CD2AP: variants seen among roughly 807,000 people sequenced by gnomAD.
The protein encoded by CD2AP is CD2-associated protein.
Under a neutral mutation model 85.1 loss-of-function variants are expected in CD2AP, and 46 were observed. The observed-to-expected ratio is 0.54, with a 90% CI of 0.43 to 0.69. The LOEUF is 0.69. CD2AP is among the 30% of genes least tolerant of loss of function. The pLI, the probability that CD2AP is intolerant of heterozygous loss-of-function variation, is 0.00. For synonymous variants in CD2AP, 255 were observed against 252.9 expected (o/e 1.01, Z -0.08); for missense variants, 769 against 729.5 (o/e 1.05, Z -0.62).
At chr6:47,557,103 G>T (rs1021495284) in intron 5 of CD2AP, among the ~76,000 whole-genome samples, 24 of 151,094 alleles carry the variant, frequency 1.6e-4, no homozygotes, top group Non-Finnish European at 2.7e-4. Flanking sequence ...TCATAGGTTT[G>T]TTGGCCGCAT....
At chr6:47,607,338 C>T (rs1769304349) in intron 14 of CD2AP, among the ~76,000 whole-genome samples, 1 of 152,040 alleles carries the variant, frequency 6.6e-6, no homozygotes, top group African/African-American at 2.4e-5. Flanking sequence ...AGTGCTGGAT[C>T]AGATGGTAGC....
chr6:47,492,778 A>G (rs976943814), intron 1 of CD2AP, among the ~76,000 whole-genome samples: 1 of 151,664 alleles, frequency 6.6e-6, no homozygotes, highest in Non-Finnish European at 1.5e-5. Context: ...TATTGATTTT[A>G]TTGATGTTTT....
At chr6:47,523,096 CTG>C (rs1223767731) in intron 2 of CD2AP, among the ~76,000 whole-genome samples, 21 of 151,976 alleles carry the variant, frequency 1.4e-4, no homozygotes, top group Admixed American at 2.0e-4. Flanking sequence ...CTTTATGAAA[CTG>C]TTAGATCTTT....
chr6:47,606,626 C>T (rs1003773556), intron 14 of CD2AP, among the ~76,000 whole-genome samples: 7 of 150,504 alleles, frequency 4.7e-5, no homozygotes, highest in Non-Finnish European at 1.5e-5. Flanking sequence ...AAATTTTTTC[C>T]CCTGAAATAT....
chr6:47,567,316 A>G lies in CD2AP; in HGVS notation c.542-6748A>G, dbSNP rs561127232. ...AGGGTATTCCAAAATCTGAAATTTA[A>G]AAGTCAAAGCCGGCAAAGGGAAATT... is the stretch of plus-strand genomic sequence containing the variant. On this transcript the variant is annotated intron_variant, in intron 5 of 17. Coordinates refer to ENST00000359314, the MANE Select transcript of CD2AP (RefSeq NM_012120.3). Among the ~76,000 whole-genome samples the G allele has an allele frequency of 3.3e-5, 5 of 152,282 alleles. No individual in the cohort carries two copies. In the East Asian group the frequency reaches 7.7e-4, roughly 24 times the overall value.
intron 2 of CD2AP, among the ~76,000 whole-genome samples, chr6:47,533,370 C>T (rs1766940315): frequency 6.6e-6 from 1 of 152,124 alleles, no homozygotes; most frequent in African/African-American, 2.4e-5. Flanking sequence ...GGGTTTGAGC[C>T]TCTCTTTCCT....
chr6:47,565,811 A>G (rs1424933503), intron 5 of CD2AP, among the ~76,000 whole-genome samples: 1 of 152,174 alleles, frequency 6.6e-6, no homozygotes, highest in Admixed American at 6.5e-5. Flanking sequence ...ACCATAGCCT[A>G]TATGCCATTA....
At chr6:47,511,103 A>T (rs1483160788) in intron 2 of CD2AP, among the ~76,000 whole-genome samples, 1 of 117,376 alleles carries the variant, frequency 8.5e-6, no homozygotes, top group East Asian at 2.1e-4. Flanking sequence ...AAAAAAAAGG[A>T]ATAGATGGAC....
rs189902260 is a variant in CD2AP, at chr6:47,557,358, T to C, written c.541+2592T>C. ...GATCCCATTTGTCAATTTTGGCTTT[T>C]GTTGCCATTGCTTTTGGTGTTTTAG... On this transcript the variant is annotated intron_variant, in intron 5 of 17. Coordinates refer to ENST00000359314, the MANE Select transcript of CD2AP (RefSeq NM_012120.3). Among the ~76,000 whole-genome samples, 5 of 152,320 alleles carry C rather than the reference T, an allele frequency of 3.3e-5. No individual in the cohort carries two copies. The East Asian group carries it at 9.6e-4, about 29-fold the overall frequency.
chr6:47,620,297 G>GC (rs1462805424), intron 17 of CD2AP, among the ~76,000 whole-genome samples: 24 of 152,270 alleles, frequency 1.6e-4, no homozygotes, highest in African/African-American at 5.8e-4. Flanking sequence ...AATTATCCCA[G>GC]CACCATTTGT....
intron 17 of CD2AP, among the ~76,000 whole-genome samples, chr6:47,618,317 C>CA (rs568248301): frequency 4.5e-4 from 67 of 148,664 alleles, no homozygotes; most frequent in African/African-American, 8.9e-4. Flanking sequence ...GAGACTGTCT[C>CA]AAAAAAAAAC....
intron 13 of CD2AP, among the ~76,000 whole-genome samples, chr6:47,601,196 G>T (rs1769120130): frequency 6.6e-6 from 1 of 151,592 alleles, no homozygotes; most frequent in African/African-American, 2.4e-5. Context: ...TACTTGGTTT[G>T]GGGGACCCTA....
At chr6:47,555,817 C>T (rs768095607) in intron 5 of CD2AP, among the ~76,000 whole-genome samples, 6 of 150,050 alleles carry the variant, frequency 4.0e-5, no homozygotes, top group African/African-American at 7.4e-5. Context: ...TTTTTTTTAA[C>T]GTGAAAGGGC....
At chr6:47,553,780 G>C (rs1767598224) in intron 4 of CD2AP, among the ~76,000 whole-genome samples, 1 of 152,050 alleles carries the variant, frequency 6.6e-6, no homozygotes, top group Admixed American at 6.5e-5. Flanking sequence ...TTATTGGTAA[G>C]TGTAAATGTT....
chr6:47,500,999 C>T (rs974541243), intron 1 of CD2AP, among the ~76,000 whole-genome samples: 4 of 152,072 alleles, frequency 2.6e-5, no homozygotes, highest in Non-Finnish European at 2.9e-5. Flanking sequence ...CGCCTGCCTC[C>T]GCCTCCCAAA....
intron 16 of CD2AP, 91 bp from the exon 17 acceptor site, chr6:47,612,382 C>T: frequency 1.1e-6 from 1 of 871,216 alleles, no homozygotes; most frequent in Non-Finnish European, 1.9e-6. Context: ...TTCCCATGAA[C>T]TGGTAGGTTA....
chr6:47,563,693 A>G (rs988138935), intron 5 of CD2AP, among the ~76,000 whole-genome samples: 3 of 152,154 alleles, frequency 2.0e-5, no homozygotes, highest in East Asian at 1.9e-4. Flanking sequence ...TTACTCTTAC[A>G]TTAGTTTTTA....
chr6:47,495,403 C>T (rs1299629300), intron 1 of CD2AP, among the ~76,000 whole-genome samples: 2 of 152,110 alleles, frequency 1.3e-5, no homozygotes, highest in African/African-American at 4.8e-5. Context: ...TGGAGTGATT[C>T]TTCAGAGTCT....
rs201742003 is a variant in CD2AP, at chr6:47,497,347, C to CTCCCCTTCCCCT, written c.5-5918_5-5907dup. ...TTTCCTTTCCTTTCCCTTCCCTTCC[C>CTCCCCTTCCCCT]TCCCCTTCCCCTTCCCCTTCCCCTT... On this transcript the variant is annotated intron_variant, in intron 1 of 17. Transcript: ENST00000359314. 3.1e-3 allele frequency among the ~76,000 whole-genome samples: 428 copies of CTCCCCTTCCCCT among 138,228 alleles called. 2 individuals are homozygous for CTCCCCTTCCCCT. The highest frequency in any genetic ancestry group is 0.013 in the African/African-American group (402 of 31,882). 90.7% of individuals were successfully genotyped at this position (138,228 alleles called of 152,430 possible). A position where few individuals can be genotyped will look rare whatever the true frequency, so the allele number is the denominator to read the frequency against.
Sources: allele counts gnomAD v4.1 joint callset (sites outside exome capture counted in the v4.1 genomes callset), GRCh38; gene constraint gnomAD v4.1.1; transcripts MANE v1.5; gene names NCBI Gene and HGNC (gene_info 2026-07-23, HGNC 2026-07-21).